TFCP2: variants seen among roughly 807,000 people sequenced by gnomAD.
The protein encoded by TFCP2 is alpha-globin transcription factor CP2.
A neutral mutation model predicts 73.4 loss-of-function variants in TFCP2; 33 were observed. The ratio of observed to expected loss-of-function variants is 0.45; its 90% CI spans 0.34 to 0.60. The LOEUF is 0.60. Among genes scored for constraint, TFCP2 ranks in the 20% least tolerant of loss-of-function variants. The probability of loss-of-function intolerance (pLI) is 0.01; values close to 1 mark genes in which losing one functional copy is unlikely to be tolerated. For synonymous variants in TFCP2, 193 were observed against 211.6 expected, an observed-to-expected ratio of 0.91 and a Z score of 0.76; for missense variants, 352 against 604.0, an observed-to-expected ratio of 0.58 and a Z score of 4.37.
rs1282290896 is a variant in TFCP2, at chr12:51,172,957, AC to A, written c.-536del. 1 of 156,026 alleles carries A rather than the reference AC, an allele frequency of 6.4e-6. No homozygotes were observed. The highest frequency in any genetic ancestry group is 1.4e-5 in the Non-Finnish European group (1 of 70,028). 9.7% of individuals were successfully genotyped at this position (156,026 alleles called of 1,614,324 possible). A position where few individuals can be genotyped will look rare whatever the true frequency, so the allele number is the denominator to read the frequency against. On this transcript the variant is annotated 5_prime_UTR_variant, in exon 1 of 15. An upstream open reading frame in the 5' UTR loses its in-frame stop. Coordinates refer to ENST00000257915, the MANE Select transcript of TFCP2 (RefSeq NM_005653.5). ...CCCCTTCTCAACCCCACGGCTTAGA[AC>A]CAAATCCAGGTTTCCGCTGAGCCGA...
At chr12:51,141,656 T>C (rs578119110) in intron 1 of TFCP2, among the ~76,000 whole-genome samples, 10 of 151,834 alleles carry the variant, frequency 6.6e-5, no homozygotes, top group Non-Finnish European at 1.5e-4. Context: ...TCCCAGCACT[T>C]TGGGAGGCCG....
chr12:51,143,375 A>C (rs1941228730), intron 1 of TFCP2, among the ~76,000 whole-genome samples: 1 of 149,582 alleles, frequency 6.7e-6, no homozygotes, highest in Non-Finnish European at 1.5e-5. Context: ...AGAACTATTG[A>C]AGGCATCCTA....
chr12:51,113,135 T>C (rs1319289391), intron 4 of TFCP2, among the ~76,000 whole-genome samples: 1 of 152,142 alleles, frequency 6.6e-6, no homozygotes, highest in African/African-American at 2.4e-5. Flanking sequence ...ATTCAAACAA[T>C]AGAGCATCAA....
At chr12:51,138,179 T>C (rs1566219950) in intron 1 of TFCP2, among the ~76,000 whole-genome samples, 1 of 152,216 alleles carries the variant, frequency 6.6e-6, no homozygotes. Flanking sequence ...TAGCACTCTG[T>C]CGCCCAGGCT....
At chr12:51,119,154 T>C (rs182294365) in intron 1 of TFCP2, among the ~76,000 whole-genome samples, 44 of 152,302 alleles carry the variant, frequency 2.9e-4, no homozygotes, top group Admixed American at 2.4e-3. Flanking sequence ...TGATTTACTA[T>C]AAGGACTAAA....
chr12:51,119,787 T>C (rs1940615251), intron 1 of TFCP2, among the ~76,000 whole-genome samples: 1 of 151,366 alleles, frequency 6.6e-6, no homozygotes, highest in Admixed American at 6.6e-5. Flanking sequence ...TAAATTAAAT[T>C]AACCATGCAT....
At chr12:51,153,020 G>A (rs1038152190) in intron 1 of TFCP2, among the ~76,000 whole-genome samples, 1 of 152,142 alleles carries the variant, frequency 6.6e-6, no homozygotes, top group East Asian at 1.9e-4. Flanking sequence ...TCAGGACTTG[G>A]GCAAAGGAGA....
intron 1 of TFCP2, among the ~76,000 whole-genome samples, chr12:51,120,383 G>A (rs1274302525): frequency 1.3e-5 from 2 of 152,180 alleles, no homozygotes; most frequent in Non-Finnish European, 2.9e-5. Flanking sequence ...CAAAGAATGT[G>A]TAATGCATGG....
chr12:51,161,381 GA>G lies in TFCP2; in HGVS notation c.122+10919del, dbSNP rs113017278. On this transcript the variant is annotated intron_variant, in intron 1 of 14. Coordinates refer to ENST00000257915, the MANE Select transcript of TFCP2 (RefSeq NM_005653.5). The stretch of plus-strand genomic sequence containing the variant: ...ACAGGACTATACGGCCCATTCACAG[GA>G]AAAAAAAAAAGAAATTGGCTGGGCA... Among the ~76,000 whole-genome samples the G allele has an allele frequency of 6.2e-4, 90 of 144,834 alleles. No individual in the cohort carries two copies. The South Asian group carries it at 9.5e-3, about 15-fold the overall frequency.
chr12:51,098,670 C>T lies in TFCP2; in HGVS notation c.1419+106G>A, dbSNP rs947049963. 67 of 1,318,004 alleles carry T rather than the reference C, an allele frequency of 5.1e-5. No homozygotes were observed. The Middle Eastern group carries it at 1.4e-3, about 28-fold the overall frequency. The allele number at this position is 1,318,004 out of a possible 1,614,324, so 81.6% of individuals were successfully genotyped here. On this transcript the variant is annotated intron_variant, in intron 13 of 14. Transcript: ENST00000257915. ...GAAAGCAAGCAAAAAAGTATGAAAC[C>T]CTCTGATCTAGAAAACAGAACACTC...
intron 10 of TFCP2, 127 bp downstream of exon 10, chr12:51,103,543 A>G (rs1051726376): frequency 2.3e-5 from 14 of 616,120 alleles, no homozygotes; most frequent in Non-Finnish European, 3.3e-5. Flanking sequence ...AATTCATTTC[A>G]TCAGAAAAAT....
At chr12:51,137,777 AT>A (rs1428141840) in intron 1 of TFCP2, among the ~76,000 whole-genome samples, 1 of 152,242 alleles carries the variant, frequency 6.6e-6, no homozygotes, top group Admixed American at 6.5e-5. Context: ...TCAAATGTAT[AT>A]CATCATAGTA....
intron 6 of TFCP2, 35 bp from the exon 7 acceptor site, chr12:51,107,381 ACTCACCT>A: frequency 6.4e-7 from 1 of 1,568,764 alleles, no homozygotes; most frequent in Non-Finnish European, 8.7e-7. Context: ...AAATTCAGGT[ACTCACCT>A]TTTAACCCAA....
intron 1 of TFCP2, among the ~76,000 whole-genome samples, chr12:51,147,680 C>T (rs1941327842): frequency 6.6e-6 from 1 of 152,084 alleles, no homozygotes; most frequent in Non-Finnish European, 1.5e-5. Context: ...GACTTGAAAC[C>T]ATAAAAATTC....
intron 4 of TFCP2, among the ~76,000 whole-genome samples, chr12:51,115,312 G>C (rs1940507151): frequency 6.6e-6 from 1 of 151,890 alleles, no homozygotes; most frequent in Non-Finnish European, 1.5e-5. Context: ...AGTGGAGACG[G>C]GGTTTCACCA....
At position 51,149,294 on chromosome 12, in the gene TFCP2, G is replaced by T. The variant is rs553166366; in HGVS notation, c.122+23007C>A. Among the ~76,000 whole-genome samples the T allele has an allele frequency of 4.7e-4, 71 of 152,090 alleles. 1 individual carries two copies. In the East Asian group the frequency reaches 0.013, roughly 28 times the overall value. On this transcript the variant is annotated intron_variant, in intron 1 of 14. Transcript: ENST00000257915. ...GGGAAAGCATGGGAAGAGGTGAGGG[G>T]TAAAAGACTATACATTGGGTACACT...
chr12:51,119,537 G>T (rs1357970030), intron 1 of TFCP2, among the ~76,000 whole-genome samples: 1 of 152,014 alleles, frequency 6.6e-6, no homozygotes, highest in African/African-American at 2.4e-5. Context: ...GATCACCTGA[G>T]GTCCGGAGGT....
In TFCP2 at chr12:51,172,689, G is replaced by A. The variant is rs910278151; in HGVS notation, c.-267C>T. Reference sequence around the variant, plus strand: ...GTGAGGACCCCTTTGCTCAACTACTGCAGACTTCCCAGAGGCAGCTCTGGA... The same window carrying A: ...GTGAGGACCCCTTTGCTCAACTACTACAGACTTCCCAGAGGCAGCTCTGGA... On this transcript the variant is annotated 5_prime_UTR_variant, in exon 1 of 15. Coordinates refer to ENST00000257915, the MANE Select transcript of TFCP2 (RefSeq NM_005653.5). The A allele has an allele frequency of 2.6e-6, 1 of 380,790 alleles. No homozygotes were observed. The highest frequency in any genetic ancestry group is 4.9e-6 in the Non-Finnish European group (1 of 202,916). 23.6% of individuals were successfully genotyped at this position (380,790 alleles called of 1,614,324 possible). A position where few individuals can be genotyped will look rare whatever the true frequency, so the allele number is the denominator to read the frequency against.
At chr12:51,098,556 G>T (rs769294106) in intron 13 of TFCP2, among the ~76,000 whole-genome samples, 1 of 151,988 alleles carries the variant, frequency 6.6e-6, no homozygotes, top group Non-Finnish European at 1.5e-5. Context: ...AATCCAGGAG[G>T]AGGAGGTCGC....
Sources: gnomAD v4.1 joint callset for allele counts (sites outside exome capture counted in the v4.1 genomes callset) on GRCh38, gnomAD v4.1.1 for gene constraint, MANE v1.5 for transcripts, NCBI Gene and HGNC (gene_info 2026-07-23, HGNC 2026-07-21) for gene names.